MAGI3: variants seen among roughly 807,000 people sequenced by gnomAD.
MAGI3 encodes the protein membrane associated guanylate kinase, WW and PDZ domain containing 3.
Under a neutral mutation model 121.8 loss-of-function variants are expected in MAGI3, and 43 were observed. The ratio of observed to expected loss-of-function variants is 0.35; its 90% confidence interval spans 0.28 to 0.46. MAGI3 has a LOEUF of 0.46. Among genes scored for constraint, MAGI3 ranks in the 20% least tolerant of loss-of-function variants. MAGI3 has a pLI of 1.00. For missense variants in MAGI3, 1,547 were observed against 1,797.3 expected (o/e 0.86, Z 2.52); for synonymous variants, 553 against 639.3 (o/e 0.86, Z 2.04).
chr1:113,468,863 T>G (rs918801759), intron 1 of MAGI3, among the ~76,000 whole-genome samples: 4 of 147,856 alleles, frequency 2.7e-5, no homozygotes, highest in South Asian at 2.1e-4. Context: ...ACAGTGCTAT[T>G]CTGACAGTGA....
intron 3 of MAGI3, among the ~76,000 whole-genome samples, chr1:113,584,277 G>A (rs1037267456): frequency 2.0e-5 from 3 of 152,110 alleles, no homozygotes; most frequent in African/African-American, 7.2e-5. Context: ...CTGTTAATGT[G>A]GCTAGACCTG....
intron 1 of MAGI3, among the ~76,000 whole-genome samples, chr1:113,483,449 T>C (rs1656207721): frequency 6.6e-6 from 1 of 152,174 alleles, no homozygotes; most frequent in Non-Finnish European, 1.5e-5. Context: ...TTTCTCTCTC[T>C]GTCCTCTGGC....
intron 1 of MAGI3, among the ~76,000 whole-genome samples, chr1:113,511,727 C>A (rs1184063762): frequency 6.6e-6 from 1 of 152,174 alleles, no homozygotes; most frequent in Non-Finnish European, 1.5e-5. Context: ...GATCATCTGG[C>A]AGATTTCTTA....
At chr1:113,533,731 G>A (rs1658833761) in intron 1 of MAGI3, among the ~76,000 whole-genome samples, 1 of 151,344 alleles carries the variant, frequency 6.6e-6, no homozygotes, top group Non-Finnish European at 1.5e-5. Flanking sequence ...TTTCATCACA[G>A]AGTTTTCATC....
chr1:113,481,504 A>G (rs1656110551), intron 1 of MAGI3, among the ~76,000 whole-genome samples: 1 of 151,976 alleles, frequency 6.6e-6, no homozygotes, highest in African/African-American at 2.4e-5. Flanking sequence ...AGGGTTGTAG[A>G]TTTTTACCTT....
intron 1 of MAGI3, among the ~76,000 whole-genome samples, chr1:113,398,188 A>G (rs963167941): frequency 2.0e-5 from 3 of 152,192 alleles, no homozygotes; most frequent in Non-Finnish European, 1.5e-5. Context: ...GACTTATGAC[A>G]TATCTAAATA....
chr1:113,405,159 C>G (rs1453640423), intron 1 of MAGI3, among the ~76,000 whole-genome samples: 1 of 151,976 alleles, frequency 6.6e-6, no homozygotes, highest in African/African-American at 2.4e-5. Flanking sequence ...AGTCCAAGTT[C>G]CCTCTCCCAA....
Position 113,642,439 on chromosome 1 carries a change from T to C in MAGI3, c.1889T>C (p.Leu630Ser), listed in dbSNP as rs1356618255. 6.2e-7 allele frequency: 1 copy of C among 1,614,080 alleles called. No individual in the cohort carries two copies. The highest frequency in any genetic ancestry group is 8.5e-7 in the Non-Finnish European group (1 of 1,180,020). Residue 630 changes from leucine (L) to serine (S), a missense_variant, in exon 10 of 21, where the codon TTA becomes TCA. Coordinates refer to ENST00000307546, the MANE Select transcript of MAGI3 (RefSeq NM_001142782.2). ...ATATACCATCAAAATGTGCAGAATTTAACACATCTCCAAGTGGTAGAGGTG... is the reference window on the plus strand; with the variant it reads ...ATATACCATCAAAATGTGCAGAATTCAACACATCTCCAAGTGGTAGAGGTG... ...KEIYHQNVQN[L>S]THLQVVEVLK...
In MAGI3 at chr1:113,622,834, T is replaced by G; in HGVS notation, c.1200T>G (p.Asp400Glu). The G allele has an allele frequency of 6.3e-7, 1 of 1,589,784 alleles. No homozygotes were observed. The highest frequency in any genetic ancestry group is 1.4e-5 in the African/African-American group (1 of 73,340). Residue 400 changes from aspartate to glutamate, a missense_variant, in exon 9 of 21, where the codon GAT becomes GAG. Transcript: ENST00000307546. ...TGGAAAAATCACACTTCACAAGAGA[T>G]CCATCCCAGCTTAAAGGTGTCCTTG... Reference protein sequence around the residue: ...PDMEKSHFTRDPSQLKGVLVR... With the variant: ...PDMEKSHFTREPSQLKGVLVR...
rs563535333 is a variant in MAGI3 at position 113,416,976 on chromosome 1, A to T, written c.316+25627A>T. Among the ~76,000 whole-genome samples, 12 of 152,202 alleles carry T rather than the reference A, an allele frequency of 7.9e-5. No homozygotes were observed. In the East Asian group the frequency reaches 2.1e-3, roughly 27 times the overall value. On this transcript the variant is annotated intron_variant, in intron 1 of 20. Transcript: ENST00000307546. ...CTAATATAATATTAAGTAACTATTG[A>T]ATCACCTTTGACTAATTGTCATTGA...
chr1:113,670,838 G>A (rs746406360), intron 16 of MAGI3, among the ~76,000 whole-genome samples: 61 of 152,196 alleles, frequency 4.0e-4, no homozygotes, highest in Non-Finnish European at 2.9e-4. Context: ...AGAACACACA[G>A]CTAGTAAATG....
chr1:113,630,481 G>A (rs904166457), intron 9 of MAGI3, among the ~76,000 whole-genome samples: 4 of 152,020 alleles, frequency 2.6e-5, no homozygotes, highest in Non-Finnish European at 5.9e-5. Context: ...TAAGCTGCAC[G>A]ACACAGTCAC....
chr1:113,438,884 T>C (rs1396550951), intron 1 of MAGI3, among the ~76,000 whole-genome samples: 1 of 152,240 alleles, frequency 6.6e-6, no homozygotes, highest in Non-Finnish European at 1.5e-5. Flanking sequence ...AGATAGAATA[T>C]TCATTGTTAC....
chr1:113,475,592 G>A lies in MAGI3; in HGVS notation c.317-73923G>A, dbSNP rs187111611. ...TCCCAGGGATGAAGCTTACTTGATC[G>A]TTGTGGATAAGCTTTTTCATGTGCT... On this transcript the variant is annotated intron_variant, in intron 1 of 20. Transcript: ENST00000307546. Among the ~76,000 whole-genome samples the A allele has an allele frequency of 5.9e-5, 9 of 152,188 alleles. No homozygotes were observed. In the South Asian group the frequency reaches 1.5e-3, roughly 25 times the overall value.
intron 2 of MAGI3, among the ~76,000 whole-genome samples, chr1:113,552,634 T>C (rs1659831737): frequency 6.6e-6 from 1 of 152,206 alleles, no homozygotes; most frequent in Non-Finnish European, 1.5e-5. Flanking sequence ...AATTTTATTG[T>C]TCCAGTTTTG....
chr1:113,654,108 A>G, intron 15 of MAGI3, 90 bp downstream of exon 15: 1 of 1,046,588 alleles, frequency 9.6e-7, no homozygotes, highest in South Asian at 1.7e-5. Context: ...GGAGCTATGT[A>G]TAAAATGCCT....
At chr1:113,455,125 C>G (rs1422033686) in intron 1 of MAGI3, among the ~76,000 whole-genome samples, 1 of 152,010 alleles carries the variant, frequency 6.6e-6, no homozygotes, top group Non-Finnish European at 1.5e-5. Flanking sequence ...ATAAAAATGA[C>G]ATAGAAATAC....
intron 1 of MAGI3, among the ~76,000 whole-genome samples, chr1:113,514,303 C>G (rs907122007): frequency 2.0e-5 from 3 of 152,132 alleles, no homozygotes; most frequent in Non-Finnish European, 4.4e-5. Flanking sequence ...ATAAATCATG[C>G]TGCTATAAAG....
Position 113,391,166 on chromosome 1 carries a change from C to A in MAGI3, c.133C>A (p.Leu45Met). The A allele has an allele frequency of 6.4e-7, 1 of 1,556,126 alleles. No individual in the cohort carries two copies. Among genetic ancestry groups the A allele is most frequent in the African/African-American group, 1.4e-5 (1 of 73,462 alleles). Reference sequence around the variant, plus strand: ...CGCGGAGCGTGGCGAGTTCCCCTACCTGGGGCGGCTCCGCGAGGAGCCCGG... The same window carrying A: ...CGCGGAGCGTGGCGAGTTCCCCTACATGGGGCGGCTCCGCGAGGAGCCCGG... ...GGAERGEFPY[L>M]GRLREEPGGG... The change falls in exon 1 of 21, where the codon CTG (leucine) becomes ATG (methionine). Residue 45 changes from leucine to methionine, a missense_variant. Transcript: ENST00000307546. This position sits in a 1 kb window ranked among gnomAD's most constrained non-coding sequence, Gnocchi z 4.4.
Sources: allele counts gnomAD v4.1 joint callset (sites outside exome capture counted in the v4.1 genomes callset), GRCh38; gene constraint gnomAD v4.1.1; non-coding constraint Gnocchi (gnomAD v3.1); transcripts MANE v1.5; gene names NCBI Gene and HGNC (gene_info 2026-07-23, HGNC 2026-07-21).